Variants in DOCK4 observed in about 807,000 individuals in gnomAD.
The protein encoded by DOCK4 is dedicator of cytokinesis protein 4.
In DOCK4, 97 loss-of-function variants were observed where a neutral mutation model predicts 268.1. The ratio of observed to expected loss-of-function variants is 0.36; its 90% CI spans 0.31 to 0.43. The LOEUF is 0.43. Among genes scored for constraint, DOCK4 ranks in the 20% least tolerant of loss-of-function variants. The pLI is 1.00. For synonymous variants in DOCK4, 954 were observed against 887.2 expected, an observed-to-expected ratio of 1.08 and a Z score of -1.34; for missense variants, 2,145 against 2,455.7, an observed-to-expected ratio of 0.87 and a Z score of 2.67.
At chr7:112,004,970 A>G (rs1453215187) in intron 1 of DOCK4, among the ~76,000 whole-genome samples, 1 of 152,206 alleles carries the variant, frequency 6.6e-6, no homozygotes, top group Non-Finnish European at 1.5e-5. Context: ...AATAAAGCTC[A>G]GTGATTCTTC....
intron 5 of DOCK4, among the ~76,000 whole-genome samples, chr7:111,993,028 T>C (rs1048594100): frequency 6.6e-6 from 1 of 152,226 alleles, no homozygotes; most frequent in Admixed American, 6.5e-5. Flanking sequence ...GCTCCGCCAA[T>C]TCACCTAAGG....
chr7:111,886,524 C>T (rs1355021840), intron 16 of DOCK4, among the ~76,000 whole-genome samples: 3 of 152,010 alleles, frequency 2.0e-5, no homozygotes, highest in Non-Finnish European at 4.4e-5. Context: ...AAGACCTTAT[C>T]GAAAAGGATG....
At chr7:111,749,598 C>T (rs777023413) in intron 42 of DOCK4, among the ~76,000 whole-genome samples, 1 of 151,990 alleles carries the variant, frequency 6.6e-6, no homozygotes, top group Non-Finnish European at 1.5e-5. Context: ...ACATAATAAA[C>T]ACAGGCAAAA....
chr7:112,176,673 T>C (rs1818537443), intron 1 of DOCK4, among the ~76,000 whole-genome samples: 1 of 152,210 alleles, frequency 6.6e-6, no homozygotes, highest in Non-Finnish European at 1.5e-5. Flanking sequence ...CCCAGAGTCT[T>C]CTAACACCAA....
At chr7:111,794,630 T>G (rs1316025458) in intron 30 of DOCK4, among the ~76,000 whole-genome samples, 1 of 152,172 alleles carries the variant, frequency 6.6e-6, no homozygotes, top group Non-Finnish European at 1.5e-5. Flanking sequence ...ATCTGTTACT[T>G]GTAAGCATTC....
chr7:112,057,178 C>A (rs1805894533), intron 1 of DOCK4, among the ~76,000 whole-genome samples: 1 of 152,074 alleles, frequency 6.6e-6, no homozygotes, highest in Non-Finnish European at 1.5e-5. Flanking sequence ...GCTCAGAAGG[C>A]AGAGGCAGGA....
At chr7:111,794,816 A>T (rs1184793528) in intron 30 of DOCK4, among the ~76,000 whole-genome samples, 2 of 152,262 alleles carry the variant, frequency 1.3e-5, no homozygotes, top group East Asian at 3.9e-4. Flanking sequence ...ATGAATTCTT[A>T]ATCACTCTCC....
intron 27 of DOCK4, among the ~76,000 whole-genome samples, chr7:111,817,262 T>C (rs2133942055): frequency 6.6e-6 from 1 of 152,268 alleles, no homozygotes; most frequent in African/African-American, 2.4e-5. Flanking sequence ...GTATCTATTA[T>C]CTCCCTGAAC....
At chr7:112,127,738 A>C (rs1360794163) in intron 1 of DOCK4, among the ~76,000 whole-genome samples, 2 of 152,202 alleles carry the variant, frequency 1.3e-5, no homozygotes, top group African/African-American at 4.8e-5. Context: ...TTGTAAAGAA[A>C]GCCTAAGCTT....
intron 26 of DOCK4, among the ~76,000 whole-genome samples, chr7:111,827,931 G>A (rs1183048913): frequency 6.6e-6 from 1 of 152,158 alleles, no homozygotes; most frequent in Non-Finnish European, 1.5e-5. Flanking sequence ...AGACAATGCA[G>A]TTATAATCGT....
intron 6 of DOCK4, among the ~76,000 whole-genome samples, chr7:111,988,399 T>C (rs1393917493): frequency 3.9e-5 from 6 of 152,230 alleles, no homozygotes. Context: ...TGATTAGATT[T>C]ACCATTTTAG....
At chr7:111,968,902 C>T (rs1797457145) in intron 8 of DOCK4, among the ~76,000 whole-genome samples, 1 of 77,524 alleles carries the variant, frequency 1.3e-5, no homozygotes, top group African/African-American at 7.1e-5. Flanking sequence ...GAGTTCATAT[C>T]CTTTGTAGGG....
At chr7:112,195,626 G>C (rs906914528) in intron 1 of DOCK4, among the ~76,000 whole-genome samples, 1 of 151,738 alleles carries the variant, frequency 6.6e-6, no homozygotes, top group East Asian at 1.9e-4. Flanking sequence ...GTTGCCTTAT[G>C]TACATGCATC....
At chr7:111,827,269 T>C (rs1442251961) in intron 26 of DOCK4, among the ~76,000 whole-genome samples, 4 of 152,216 alleles carry the variant, frequency 2.6e-5, no homozygotes, top group Admixed American at 6.5e-5. Flanking sequence ...CGTCCATCTT[T>C]TAGAGCTATA....
intron 39 of DOCK4, among the ~76,000 whole-genome samples, chr7:111,763,368 A>G (rs1797573644): frequency 6.6e-6 from 1 of 152,178 alleles, no homozygotes; most frequent in Middle Eastern, 3.2e-3. Context: ...AGTGCCCTTT[A>G]GAAACCAACA....
chr7:112,034,367 C>T (rs569731292), intron 1 of DOCK4, among the ~76,000 whole-genome samples: 2 of 152,310 alleles, frequency 1.3e-5, no homozygotes, highest in South Asian at 4.1e-4. Context: ...CCCGTGTCCT[C>T]TGCCCCACAC....
chr7:111,742,425 G>A (rs762641673), intron 44 of DOCK4, among the ~76,000 whole-genome samples: 1 of 152,024 alleles, frequency 6.6e-6, no homozygotes, highest in African/African-American at 2.4e-5. Flanking sequence ...ATAATGCCTC[G>A]TAACAGTTAT....
chr7:111,847,716 T>C (rs1044546776), intron 23 of DOCK4, among the ~76,000 whole-genome samples: 11 of 152,332 alleles, frequency 7.2e-5, no homozygotes, highest in African/African-American at 2.6e-4. Context: ...CCATGTAAGA[T>C]GTGCCTTTCA....
At chr7:112,174,728 A>C (rs1433612609) in intron 1 of DOCK4, among the ~76,000 whole-genome samples, 1 of 152,050 alleles carries the variant, frequency 6.6e-6, no homozygotes, top group Admixed American at 6.6e-5. Context: ...TATGACCCCA[A>C]ATGGCCCCAG....
Sources: allele counts gnomAD v4.1 joint callset (sites outside exome capture counted in the v4.1 genomes callset), GRCh38; gene constraint gnomAD v4.1.1; transcripts MANE v1.5; gene names NCBI Gene and HGNC (gene_info 2026-07-23, HGNC 2026-07-21).